EDA2R: variants seen among roughly 807,000 people sequenced by gnomAD.
EDA2R encodes the protein ectodysplasin A2 receptor.
A neutral mutation model predicts 20.1 loss-of-function variants in EDA2R; 26 were observed. The ratio of observed to expected loss-of-function variants is 1.30; its 90% CI spans 0.95 to 1.80. The LOEUF (loss-of-function observed/expected upper bound fraction) is 1.80, where lower values mean the gene tolerates loss of function less well. Ranked by LOEUF, EDA2R falls within the 40% of genes most tolerant of loss-of-function variation. EDA2R has a pLI of 0.00. For missense variants in EDA2R, 277 were observed against 228.7 expected, an observed-to-expected ratio of 1.21 and a Z score of -1.36; for synonymous variants, 114 against 88.7, an observed-to-expected ratio of 1.29 and a Z score of -1.60.
Position 66,604,418 on chromosome X carries a change from C to T in EDA2R, c.352+3G>A. 1.7e-6 allele frequency: 2 copies of T among 1,205,859 alleles called. No individual in the cohort carries two copies. Among genetic ancestry groups the T allele is most frequent in the East Asian group, 3.0e-5 (1 of 33,711 alleles). On this transcript the variant is annotated splice_donor_region_variant and intron_variant, in intron 4 of 6. Transcript: ENST00000374719. ...AAAGGGAAGAAGAGAACTGGGTACA[C>T]ACATTGAACCTCAGAGGTGGGGGTC...
At position 66,599,580 on chromosome X, in the gene EDA2R, G is replaced by A. The variant is rs1222737233; in HGVS notation, c.798C>T (p.Ala266=). 7 of 1,193,166 alleles carry A rather than the reference G, an allele frequency of 5.9e-6. No homozygotes were observed. The highest frequency in any genetic ancestry group is 1.8e-5 in the African/African-American group (1 of 56,673). ...ELDLQKFSSS[A]SYTGAETLGG... ...CCAAGGTCTCAGCTCCAGTATAGGAGGCAGAGCTGGAAAACTTTTGCAGGT... is the reference window on the plus strand; with the variant it reads ...CCAAGGTCTCAGCTCCAGTATAGGAAGCAGAGCTGGAAAACTTTTGCAGGT... The change falls in exon 6 of 7, where the codon GCC becomes GCT. Residue 266 remains alanine (A), a synonymous_variant. Coordinates refer to ENST00000374719, the MANE Select transcript of EDA2R (RefSeq NM_021783.5).
intron 1 of EDA2R, among the ~76,000 whole-genome samples, chrX:66,628,400 G>C (rs1047033057): frequency 4.5e-5 from 5 of 110,577 alleles, no homozygotes; most frequent in Non-Finnish European, 9.5e-5. Context: ...AAAACAAAAA[G>C]CTGGTTCTTT....
At chrX:66,638,399 C>G (rs1934549335) in intron 1 of EDA2R, among the ~76,000 whole-genome samples, 2 of 111,741 alleles carry the variant, frequency 1.8e-5, no homozygotes, top group African/African-American at 6.5e-5. Flanking sequence ...TTCTTGTCCC[C>G]CAGTTCTTGC....
intron 1 of EDA2R, among the ~76,000 whole-genome samples, chrX:66,636,230 T>C (rs1934309392): frequency 8.9e-6 from 1 of 111,789 alleles, no homozygotes; most frequent in African/African-American, 3.3e-5. Context: ...AATAATAAAT[T>C]ACAAGGAATT....
chrX:66,603,843 G>A (rs1006619089), intron 4 of EDA2R, among the ~76,000 whole-genome samples: 1 of 111,821 alleles, frequency 8.9e-6, no homozygotes, highest in Non-Finnish European at 1.9e-5. Flanking sequence ...TAGATGCTGG[G>A]TGATTGCATT....
chrX:66,636,470 C>G (rs1197105282), intron 1 of EDA2R, among the ~76,000 whole-genome samples: 2 of 110,713 alleles, frequency 1.8e-5, no homozygotes, highest in Non-Finnish European at 3.8e-5. Flanking sequence ...AGAAAAAGAA[C>G]AGACTGCTCT....
At chrX:66,622,670 C>A (rs974634954) in intron 1 of EDA2R, among the ~76,000 whole-genome samples, 18 of 111,856 alleles carry the variant, frequency 1.6e-4, no homozygotes, top group African/African-American at 5.2e-4. Context: ...CTTGAGAACA[C>A]TGCTTTCTTG....
At chrX:66,603,727 G>A (rs1406496400) in intron 4 of EDA2R, among the ~76,000 whole-genome samples, 2 of 112,133 alleles carry the variant, frequency 1.8e-5, no homozygotes, top group Non-Finnish European at 3.8e-5. Flanking sequence ...GAGGTAATAG[G>A]ACTCTGAGAG....
chrX:66,618,168 T>C (rs1187090075), intron 1 of EDA2R, among the ~76,000 whole-genome samples: 1 of 112,468 alleles, frequency 8.9e-6, no homozygotes, highest in Non-Finnish European at 1.9e-5. Context: ...ATTAAAGGCG[T>C]GAGGCACCTT....
intron 1 of EDA2R, among the ~76,000 whole-genome samples, chrX:66,627,616 C>G (rs1933233570): frequency 8.9e-6 from 1 of 111,746 alleles, no homozygotes; most frequent in Non-Finnish European, 1.9e-5. Flanking sequence ...AATACCAGAG[C>G]TCCCAAATTT....
At chrX:66,601,536 G>A (rs1928602126) in intron 5 of EDA2R, among the ~76,000 whole-genome samples, 1 of 111,986 alleles carries the variant, frequency 8.9e-6, no homozygotes, top group African/African-American at 3.2e-5. Flanking sequence ...AAGATCATCT[G>A]CTAGGCCCCA....
At chrX:66,603,029 C>T (rs758019357) in intron 4 of EDA2R, among the ~76,000 whole-genome samples, 2 of 112,119 alleles carry the variant, frequency 1.8e-5, no homozygotes, top group Non-Finnish European at 3.8e-5. Context: ...CGAAGATGCA[C>T]ATATCCTGTG....
Position 66,599,789 on chromosome X carries a change from C to A in EDA2R, c.589G>T (p.Glu197Ter), listed in dbSNP as rs1189890456. The A allele has an allele frequency of 8.3e-7, 1 of 1,209,793 alleles. No homozygotes were observed. The highest frequency in any genetic ancestry group is 1.8e-5 in the South Asian group (1 of 56,373). Residue 197 changes from glutamate (E) to a stop codon, truncating the protein, a stop_gained, in exon 6 of 7, where the codon GAG (glutamate) becomes TAG (stop). Transcript: ENST00000374719. LOFTEE classifies it high-confidence loss of function. ...ESLFPVPPSK[E>*]TSAESQVSEN... ...CTCACTTGGGACTCAGCACTGGTCT[C>A]CTTGCTGGGTGGCACGGGGAAGAGA...
intron 1 of EDA2R, among the ~76,000 whole-genome samples, chrX:66,635,904 C>A (rs1215510338): frequency 9.0e-6 from 1 of 110,943 alleles, no homozygotes; most frequent in Non-Finnish European, 1.9e-5. Context: ...GATTTATATT[C>A]TTTAATTTTT....
intron 1 of EDA2R, among the ~76,000 whole-genome samples, chrX:66,618,085 T>A (rs1053435541): frequency 2.7e-5 from 3 of 111,190 alleles, no homozygotes; most frequent in African/African-American, 6.5e-5. Flanking sequence ...CAGGGTTTCA[T>A]CATATTGGTC....
rs774991418 is a variant in EDA2R at position 66,598,494 on chromosome X, T to C, written c.*11-401A>G. On this transcript the variant is annotated intron_variant, in intron 6 of 6. Coordinates refer to ENST00000374719, the MANE Select transcript of EDA2R (RefSeq NM_021783.5). Reference sequence around the variant, plus strand: ...CTCAAACCCACCAGTCACAATTGTGTATACTGTAATATACATTGAGAAGTA... The same window carrying C: ...CTCAAACCCACCAGTCACAATTGTGCATACTGTAATATACATTGAGAAGTA... 4.5e-5 allele frequency among the ~76,000 whole-genome samples: 5 copies of C among 111,371 alleles called. No individual in the cohort carries two copies. The South Asian group carries it at 1.9e-3, about 42-fold the overall frequency.
Position 66,605,232 on chromosome X carries a change from G to T in EDA2R, c.88-6C>A. The T allele has an allele frequency of 1.7e-6, 2 of 1,197,034 alleles. No individual in the cohort carries two copies. The highest frequency in any genetic ancestry group is 3.7e-5 in the South Asian group (2 of 53,846). On this transcript the variant is annotated splice_polypyrimidine_tract_variant and splice_region_variant and intron_variant, in intron 2 of 6. Transcript: ENST00000374719. The stretch of plus-strand genomic sequence containing the variant: ...CCCTCTCCATAACCACAATCCTGTA[G>T]ACAGATGGGGGTTGTTAATATTGCT...
chrX:66,625,548 T>C (rs5965281), intron 1 of EDA2R, among the ~76,000 whole-genome samples: 7,517 of 110,595 alleles, frequency 0.068, 635 homozygotes, highest in African/African-American at 0.24. Flanking sequence ...CATGCTTAGC[T>C]CTACCCCCAC....
chrX:66,606,312 G>A (rs148571976), intron 2 of EDA2R, among the ~76,000 whole-genome samples: 1,286 of 111,952 alleles, frequency 0.011, 17 homozygotes, highest in African/African-American at 0.04. Flanking sequence ...TGAAGTGGGG[G>A]CATGTGCATC....
Sources: allele counts gnomAD v4.1 joint callset (sites outside exome capture counted in the v4.1 genomes callset), GRCh38; gene constraint gnomAD v4.1.1; transcripts MANE v1.5; gene names NCBI Gene and HGNC (gene_info 2026-07-23, HGNC 2026-07-21).